Variants in HORMAD2 observed in about 807,000 individuals in gnomAD.
The protein encoded by HORMAD2 is HORMA domain-containing protein 2.
Under a neutral mutation model 38.8 loss-of-function variants are expected in HORMAD2, and 45 were observed. The ratio of observed to expected loss-of-function variants is 1.16; its 90% CI spans 0.91 to 1.49. The LOEUF (loss-of-function observed/expected upper bound fraction) is 1.49, where lower values mean the gene tolerates loss of function less well. HORMAD2 is among the 40% of genes most tolerant of loss of function. The pLI is 0.00. For synonymous variants in HORMAD2, 126 were observed against 122.8 expected (o/e 1.03, Z -0.17); for missense variants, 338 against 367.0 (o/e 0.92, Z 0.65).
chr22:30,121,984 C>A lies in HORMAD2; in HGVS notation c.589C>A (p.Pro197Thr). 6.2e-7 allele frequency: 1 copy of A among 1,611,468 alleles called. No homozygotes were observed. The highest frequency in any genetic ancestry group is 8.5e-7 in the Non-Finnish European group (1 of 1,178,660). ...YNAVTPHDYQ[P>T]LGFKEGVNSH... is the part of the protein sequence containing the mutation. ...CGCAGTGACCCCACATGATTACCAA[C>A]CCCTCGGTTTTAAAGAAGGGGTAAA... is the stretch of plus-strand genomic sequence containing the variant. The change falls in exon 10 of 11, where the codon CCC becomes ACC. Residue 197 changes from proline (P) to threonine (T), a missense_variant. Coordinates refer to ENST00000336726, the MANE Select transcript of HORMAD2 (RefSeq NM_152510.4).
intron 10 of HORMAD2, among the ~76,000 whole-genome samples, chr22:30,133,640 AAC>A (rs1362908449): frequency 2.6e-5 from 4 of 151,066 alleles, no homozygotes; most frequent in Admixed American, 2.0e-4. Context: ...AACTGTTAAA[AAC>A]AAAAAACAAA....
chr22:30,112,592 G>A (rs1921747351), intron 7 of HORMAD2, 70 bp downstream of exon 7: 1 of 621,658 alleles, frequency 1.6e-6, no homozygotes, highest in Admixed American at 4.2e-5. Flanking sequence ...TTTCTGAGTT[G>A]AGGCTATAGA....
At chr22:30,165,901 G>A (rs568698231) in intron 10 of HORMAD2, among the ~76,000 whole-genome samples, 3 of 151,594 alleles carry the variant, frequency 2.0e-5, no homozygotes, top group Non-Finnish European at 4.4e-5. Context: ...TTGATATCTG[G>A]TAGGGTAACT....
rs527280924 is a variant in HORMAD2 at position 30,149,833 on chromosome 22, T to TA, written c.820-26227dup. On this transcript the variant is annotated intron_variant, in intron 10 of 10. Coordinates refer to ENST00000336726, the MANE Select transcript of HORMAD2 (RefSeq NM_152510.4). ...TGAGATTAAGAATCTCACTGGAAATTAAATCTAAGAAGACAATTATTTTTC... is the reference window on the plus strand; with the variant it reads ...TGAGATTAAGAATCTCACTGGAAATTAAAATCTAAGAAGACAATTATTTTTC... Among the ~76,000 whole-genome samples the TA allele has an allele frequency of 7.9e-4, 120 of 152,368 alleles. 1 individual carries two copies. In the East Asian group the frequency reaches 0.018, roughly 23 times the overall value.
intron 10 of HORMAD2, among the ~76,000 whole-genome samples, chr22:30,148,630 C>G (rs1388150962): frequency 6.6e-6 from 1 of 152,062 alleles, no homozygotes; most frequent in African/African-American, 2.4e-5. Flanking sequence ...TTGGAAACAA[C>G]CTACATGTCC....
intron 1 of HORMAD2, among the ~76,000 whole-genome samples, chr22:30,082,232 G>T (rs757316426): frequency 6.6e-6 from 1 of 152,206 alleles, no homozygotes; most frequent in Non-Finnish European, 1.5e-5. Flanking sequence ...CCAGCTATTG[G>T]ATAGTGTTCA....
intron 10 of HORMAD2, among the ~76,000 whole-genome samples, chr22:30,149,061 C>T (rs1601575235): frequency 6.6e-6 from 1 of 152,212 alleles, no homozygotes; most frequent in Non-Finnish European, 1.5e-5. Flanking sequence ...TAAAATAAGA[C>T]ACCTAACAAC....
rs750684089 is a variant in HORMAD2, at chr22:30,162,701, C to CT, written c.820-13343dup. On this transcript the variant is annotated intron_variant, in intron 10 of 10. Coordinates refer to ENST00000336726, the MANE Select transcript of HORMAD2 (RefSeq NM_152510.4). ...ATGCAAACATTTGATTTGTGGACAT[C>CT]TTTTTTTTTTTTTTTTTTTGAGACA... Among the ~76,000 whole-genome samples, 691 of 124,170 alleles carry CT rather than the reference C, an allele frequency of 5.6e-3. 5 individuals carry two copies. The highest frequency in any genetic ancestry group is 0.01 in the African/African-American group (365 of 35,036). The allele number at this position is 124,170 out of a possible 152,430, so 81.5% of individuals were successfully genotyped here. A position where few individuals can be genotyped will look rare whatever the true frequency, so the allele number is the denominator to read the frequency against.
rs933562651 is a variant in HORMAD2 at position 30,132,887 on chromosome 22, G to C, written c.819+10673G>C. Among the ~76,000 whole-genome samples the C allele has an allele frequency of 4.6e-4, 70 of 151,950 alleles. 2 individuals carry two copies. Among genetic ancestry groups the C allele is most frequent in the Admixed American group, 4.6e-3 (70 of 15,260 alleles). Reference sequence around the variant, plus strand: ...AAGAAGTATACTGATATGTATTATAGCAGAAAAAAAAGTCAAACACAGTGA... The same window carrying C: ...AAGAAGTATACTGATATGTATTATACCAGAAAAAAAAGTCAAACACAGTGA... On this transcript the variant is annotated intron_variant, in intron 10 of 10. Transcript: ENST00000336726.
intron 1 of HORMAD2, among the ~76,000 whole-genome samples, chr22:30,087,973 C>CTA (rs1174022619): frequency 6.6e-5 from 10 of 151,452 alleles, no homozygotes; most frequent in African/African-American, 1.7e-4. Context: ...CTCTCTCTCT[C>CTA]TCTATATATA....
intron 10 of HORMAD2, among the ~76,000 whole-genome samples, chr22:30,130,831 C>T (rs1923231843): frequency 2.0e-5 from 3 of 151,780 alleles, no homozygotes; most frequent in Admixed American, 1.3e-4. Context: ...GCTCAAGCAA[C>T]CCACCCGCCT....
chr22:30,205,875 C>G, the HORMAD2 span, among the ~76,000 whole-genome samples: 3 of 152,040 alleles, frequency 2.0e-5, no homozygotes, highest in Non-Finnish European at 2.9e-5. Flanking sequence ...TGGAGAAATC[C>G]TACCCGAAAT....
At chr22:30,203,394 CAA>C in the HORMAD2 span, among the ~76,000 whole-genome samples, 2 of 127,866 alleles carry the variant, frequency 1.6e-5, no homozygotes, top group Non-Finnish European at 3.2e-5. Context: ...GACTCTGTCT[CAA>C]AAAAAAAAAA....
At chr22:30,177,804 G>A (rs1008215457), downstream of HORMAD2, among the ~76,000 whole-genome samples, 31 of 138,670 alleles carry the variant, frequency 2.2e-4, no homozygotes, top group Non-Finnish European at 2.6e-4. Context: ...CTCAACCTCC[G>A]GACTGGCTGG....
intron 10 of HORMAD2, among the ~76,000 whole-genome samples, chr22:30,158,312 A>C (rs994331456): frequency 1.3e-5 from 2 of 152,168 alleles, no homozygotes; most frequent in Non-Finnish European, 2.9e-5. Flanking sequence ...ATCAACAACT[A>C]TACAAAGCAT....
chr22:30,145,386 A>T (rs941786462), intron 10 of HORMAD2, among the ~76,000 whole-genome samples: 1 of 152,210 alleles, frequency 6.6e-6, no homozygotes, highest in African/African-American at 2.4e-5. Context: ...TATAAAGAAC[A>T]ATTTTACTGC....
chr22:30,199,145 A>C, the HORMAD2 span, among the ~76,000 whole-genome samples: 1 of 152,210 alleles, frequency 6.6e-6, no homozygotes, highest in African/African-American at 2.4e-5. Flanking sequence ...AAATGACTGG[A>C]CTGAGAAAAA....
At chr22:30,184,248 C>G in the HORMAD2 span, among the ~76,000 whole-genome samples, 1 of 152,174 alleles carries the variant, frequency 6.6e-6, no homozygotes, top group Non-Finnish European at 1.5e-5. Flanking sequence ...ATTACATGTT[C>G]AGAAACTTCC....
At chr22:30,113,557 G>A (rs1266696000) in intron 7 of HORMAD2, among the ~76,000 whole-genome samples, 2 of 152,108 alleles carry the variant, frequency 1.3e-5, no homozygotes, top group African/African-American at 4.8e-5. Context: ...AATTCTTGAG[G>A]ACAAGAGTCT....
Sources: allele counts gnomAD v4.1 joint callset (sites outside exome capture counted in the v4.1 genomes callset), GRCh38; gene constraint gnomAD v4.1.1; transcripts MANE v1.5; gene names NCBI Gene and HGNC (gene_info 2026-07-23, HGNC 2026-07-21).